RHBDD1: variants seen among roughly 807,000 people sequenced by gnomAD.
RHBDD1 encodes the protein rhomboid-related protein 4.
In RHBDD1, 38 loss-of-function variants were observed where a neutral mutation model predicts 36.3. That is an observed-to-expected ratio of 1.05 (90% CI 0.81 to 1.37). The LOEUF (loss-of-function observed/expected upper bound fraction) is 1.37. Ranked by LOEUF, RHBDD1 falls within the 40% of genes most tolerant of loss-of-function variation. RHBDD1 has a pLI of 0.00. For synonymous variants in RHBDD1, 151 were observed against 136.5 expected (o/e 1.11, Z -0.74); for missense variants, 393 against 377.6 (o/e 1.04, Z -0.34).
intron 8 of RHBDD1, among the ~76,000 whole-genome samples, chr2:226,936,677 T>A (rs1159064535): frequency 6.6e-6 from 1 of 152,132 alleles, no homozygotes; most frequent in Admixed American, 6.6e-5. Flanking sequence ...TTCAGAAATA[T>A]TTCTTTGCAC....
At chr2:226,830,607 T>G (rs1235488827), upstream of RHBDD1, among the ~76,000 whole-genome samples, 1 of 152,222 alleles carries the variant, frequency 6.6e-6, no homozygotes, top group African/African-American at 2.4e-5. Context: ...TGGGCTCACG[T>G]GATCCTCCTG....
At chr2:226,828,453 T>C in the RHBDD1 span, among the ~76,000 whole-genome samples, 1 of 152,246 alleles carries the variant, frequency 6.6e-6, no homozygotes, top group Non-Finnish European at 1.5e-5. Context: ...AATTGCTGGG[T>C]TGTATAGTAA....
At chr2:226,880,542 G>A (rs1945637045) in intron 5 of RHBDD1, among the ~76,000 whole-genome samples, 2 of 152,114 alleles carry the variant, frequency 1.3e-5, no homozygotes, top group South Asian at 4.1e-4. Context: ...CACTACAATT[G>A]GAACTCTTTG....
intron 3 of RHBDD1, among the ~76,000 whole-genome samples, chr2:226,852,407 A>G (rs531044668): frequency 5.3e-5 from 8 of 152,306 alleles, no homozygotes; most frequent in African/African-American, 1.9e-4. Context: ...GTACAAGGAT[A>G]TGGCACCTTT....
intron 5 of RHBDD1, among the ~76,000 whole-genome samples, chr2:226,877,584 T>C (rs1945349167): frequency 2.0e-5 from 3 of 151,206 alleles, no homozygotes; most frequent in Admixed American, 2.0e-4. Context: ...CATAGTTCAT[T>C]AGTTTTTCTT....
chr2:226,816,789 G>A, the RHBDD1 span, among the ~76,000 whole-genome samples: 2 of 152,192 alleles, frequency 1.3e-5, no homozygotes, highest in East Asian at 1.9e-4. Flanking sequence ...CCAGCTACTC[G>A]GGAGGCTGAG....
chr2:226,845,061 A>C (rs1031322471), intron 3 of RHBDD1, among the ~76,000 whole-genome samples: 1 of 152,194 alleles, frequency 6.6e-6, no homozygotes, highest in African/African-American at 2.4e-5. Flanking sequence ...TAAATTCTCA[A>C]ATCATCAGAT....
At chr2:226,906,551 T>TCC (rs1386477694) in intron 5 of RHBDD1, among the ~76,000 whole-genome samples, 5 of 152,196 alleles carry the variant, frequency 3.3e-5, no homozygotes, top group African/African-American at 9.7e-5. Context: ...ACAACCCACT[T>TCC]CCCCTGGTTA....
At chr2:226,984,183 A>T (rs1956420938) in intron 8 of RHBDD1, among the ~76,000 whole-genome samples, 1 of 152,250 alleles carries the variant, frequency 6.6e-6, no homozygotes, top group Non-Finnish European at 1.5e-5. Context: ...GCACCTGCTG[A>T]ACTACCAGTT....
chr2:226,956,172 G>C (rs1951777395), intron 8 of RHBDD1, among the ~76,000 whole-genome samples: 1 of 152,110 alleles, frequency 6.6e-6, no homozygotes, highest in Non-Finnish European at 1.5e-5. Context: ...ATCTCTTGGT[G>C]TCCCCTCTGG....
intron 5 of RHBDD1, among the ~76,000 whole-genome samples, chr2:226,898,989 A>G (rs1274363012): frequency 6.6e-6 from 1 of 152,136 alleles, no homozygotes; most frequent in Non-Finnish European, 1.5e-5. Context: ...AGAGTATTAC[A>G]TTTTCTGCTT....
intron 8 of RHBDD1, among the ~76,000 whole-genome samples, chr2:226,958,207 A>G (rs1490873501): frequency 6.6e-6 from 1 of 152,258 alleles, no homozygotes; most frequent in Non-Finnish European, 1.5e-5. Context: ...CTAAAAAGTA[A>G]TAAAGTGCTA....
intron 8 of RHBDD1, chr2:226,988,642 C>T: frequency 7.6e-7 from 1 of 1,324,210 alleles, no homozygotes; most frequent in Non-Finnish European, 9.6e-7. Flanking sequence ...CCTGGAGCTT[C>T]TGAGAGGAAG....
In RHBDD1 at chr2:226,996,770, T is replaced by C. The variant is rs1959451521; in HGVS notation, c.*1248T>C. On this transcript the variant is annotated 3_prime_UTR_variant, in exon 9 of 9. Transcript: ENST00000392062. ...TTTTTATAATTTTATATTACTGTCT[T>C]GGAAGATGTGTTTATGTGTGTGTGT... The C allele has an allele frequency of 6.6e-6, 1 of 152,214 alleles. No homozygotes were observed. Among genetic ancestry groups the C allele is most frequent in the Admixed American group, 6.5e-5 (1 of 15,284 alleles). 9.4% of individuals were successfully genotyped at this position (152,214 alleles called of 1,614,324 possible). A position where few individuals can be genotyped will look rare whatever the true frequency, so the allele number is the denominator to read the frequency against.
At position 226,995,834 on chromosome 2, in the gene RHBDD1, CTG is replaced by C. The variant is rs2149621656; in HGVS notation, c.*315_*316del. On this transcript the variant is annotated 3_prime_UTR_variant, in exon 9 of 9. Coordinates refer to ENST00000392062, the MANE Select transcript of RHBDD1 (RefSeq NM_001167608.3). Reference sequence around the variant, plus strand: ...CTCTGCCTCGGTCTGCTTTTGAAGACTGTGACCTTCACCAGGAGGTTTTACTT... The same window carrying C: ...CTCTGCCTCGGTCTGCTTTTGAAGACTGACCTTCACCAGGAGGTTTTACTT... 1 of 326,362 alleles carries C rather than the reference CTG, an allele frequency of 3.1e-6. No individual in the cohort carries two copies. The highest frequency in any genetic ancestry group is 5.6e-6 in the Non-Finnish European group (1 of 179,970). 20.2% of individuals were successfully genotyped at this position (326,362 alleles called of 1,614,324 possible).
intron 3 of RHBDD1, among the ~76,000 whole-genome samples, chr2:226,849,595 G>A (rs1942584468): frequency 1.3e-5 from 2 of 152,246 alleles, no homozygotes; most frequent in African/African-American, 4.8e-5. Context: ...TTTCTTTGAT[G>A]AAGTGCTTTC....
At chr2:226,866,555 A>T (rs372286062) in intron 4 of RHBDD1, among the ~76,000 whole-genome samples, 1 of 152,176 alleles carries the variant, frequency 6.6e-6, no homozygotes, top group East Asian at 1.9e-4. Context: ...TAGCTGTGTG[A>T]TGCATTGTCT....
chr2:226,803,847 G>A, the RHBDD1 span, among the ~76,000 whole-genome samples: 12 of 152,060 alleles, frequency 7.9e-5, no homozygotes, highest in African/African-American at 2.2e-4. Context: ...CTTGTAAATC[G>A]GCTAGATCAG....
intron 8 of RHBDD1, among the ~76,000 whole-genome samples, chr2:226,968,686 T>G (rs1952872565): frequency 6.6e-6 from 1 of 152,190 alleles, no homozygotes; most frequent in Non-Finnish European, 1.5e-5. Context: ...GTTCTGACCC[T>G]TGAAAATGGG....
Sources: gnomAD v4.1 joint callset for allele counts (sites outside exome capture counted in the v4.1 genomes callset) on GRCh38, gnomAD v4.1.1 for gene constraint, MANE v1.5 for transcripts, NCBI Gene and HGNC (gene_info 2026-07-23, HGNC 2026-07-21) for gene names.